The following DYNC2I1 variants were observed in gnomAD, a reference collection of about 807,000 sequenced individuals.
The protein encoded by DYNC2I1 is cytoplasmic dynein 2 intermediate chain 1.
A neutral mutation model predicts 133.4 loss-of-function variants in DYNC2I1; 89 were observed. The observed-to-expected ratio is 0.67, with a 90% CI of 0.56 to 0.80. The LOEUF (loss-of-function observed/expected upper bound fraction) is 0.80, where lower values mean the gene tolerates loss of function less well. Among genes scored for constraint, DYNC2I1 ranks in the 30% least tolerant of loss-of-function variants. The probability of loss-of-function intolerance (pLI) is 0.00; values close to 1 mark genes in which losing one functional copy is unlikely to be tolerated. For synonymous variants in DYNC2I1, 504 were observed against 484.3 expected (o/e 1.04, Z -0.54); for missense variants, 1,291 against 1,314.5 (o/e 0.98, Z 0.28).
intron 10 of DYNC2I1, 183 bp downstream of exon 10, chr7:158,902,778 G>A (rs376709340): frequency 2.5e-5 from 15 of 597,958 alleles, no homozygotes; most frequent in Middle Eastern, 4.4e-4. Context: ...ACTTGAGCAC[G>A]AGCCCATCCA....
chr7:158,936,213 C>G (rs975210290), intron 23 of DYNC2I1, among the ~76,000 whole-genome samples: 3 of 152,142 alleles, frequency 2.0e-5, no homozygotes, highest in Non-Finnish European at 4.4e-5. Context: ...AAAAAAGTCT[C>G]ATTAATAATT....
chr7:158,881,455 A>G (rs557685084), intron 5 of DYNC2I1, among the ~76,000 whole-genome samples: 1 of 151,564 alleles, frequency 6.6e-6, no homozygotes, highest in Non-Finnish European at 1.5e-5. Context: ...ATTTATTTTT[A>G]TTTATTTATT....
At chr7:158,842,302 C>T in the DYNC2I1 span, among the ~76,000 whole-genome samples, 28 of 152,364 alleles carry the variant, frequency 1.8e-4, no homozygotes, top group Middle Eastern at 3.4e-3. Context: ...GCTGGCATTA[C>T]AGGCATGAGC....
chr7:158,865,334 G>A (rs1057219627), intron 1 of DYNC2I1, among the ~76,000 whole-genome samples: 3 of 152,298 alleles, frequency 2.0e-5, no homozygotes, highest in African/African-American at 7.2e-5. Context: ...TGTTTTATTC[G>A]GGAGGCAAAT....
chr7:158,915,630 GGAT>G (rs1585145570), intron 14 of DYNC2I1, among the ~76,000 whole-genome samples: 2 of 98,602 alleles, frequency 2.0e-5, no homozygotes, highest in South Asian at 6.1e-4. Context: ...CTGGTTGACA[GGAT>G]GATTGTGAAA....
At chr7:158,859,927 T>G (rs191672610) in intron 1 of DYNC2I1, among the ~76,000 whole-genome samples, 3 of 152,370 alleles carry the variant, frequency 2.0e-5, no homozygotes, top group African/African-American at 7.2e-5. Context: ...GTCATTAGAA[T>G]CTAATTATGT....
At chr7:158,921,601 G>A (rs1167065350) in intron 15 of DYNC2I1, among the ~76,000 whole-genome samples, 1 of 152,118 alleles carries the variant, frequency 6.6e-6, no homozygotes, top group Admixed American at 6.5e-5. Flanking sequence ...ATTGTGACGA[G>A]GTGGAAGGAG....
chr7:158,926,301 G>C lies in DYNC2I1; in HGVS notation c.2371+1G>C, dbSNP rs750699664. On this transcript the variant is annotated splice_donor_variant, in intron 18 of 24. Transcript: ENST00000407559. LOFTEE classifies it high-confidence loss of function. ...CTTTCACCCTTTTCTACTCAAGAAGGTACGTGATTCTTCACTTTCTTAAAA... is the reference window on the plus strand; with the variant it reads ...CTTTCACCCTTTTCTACTCAAGAAGCTACGTGATTCTTCACTTTCTTAAAA... The C allele has an allele frequency of 6.2e-7, 1 of 1,609,806 alleles. No homozygotes were observed. The highest frequency in any genetic ancestry group is 1.1e-5 in the South Asian group (1 of 90,148).
chr7:158,937,244 T>C (rs1850851182), intron 23 of DYNC2I1, among the ~76,000 whole-genome samples: 1 of 152,242 alleles, frequency 6.6e-6, no homozygotes, highest in African/African-American at 2.4e-5. Context: ...ACATATTTGC[T>C]GGACTGCAGA....
chr7:158,853,768 C>T (rs1244283275), upstream of DYNC2I1, among the ~76,000 whole-genome samples: 1 of 151,838 alleles, frequency 6.6e-6, no homozygotes. Flanking sequence ...GAGTCTCCTG[C>T]CTCAGCCCCC....
intron 11 of DYNC2I1, among the ~76,000 whole-genome samples, chr7:158,910,896 G>A (rs899117530): frequency 2.1e-5 from 3 of 142,888 alleles, no homozygotes; most frequent in Admixed American, 6.9e-5. Context: ...AGCGAGGAGC[G>A]TTGGCTGTGT....
At chr7:158,936,890 A>G (rs1850810403) in intron 23 of DYNC2I1, among the ~76,000 whole-genome samples, 1 of 152,238 alleles carries the variant, frequency 6.6e-6, no homozygotes, top group Admixed American at 6.5e-5. Context: ...CCTAGCAGAG[A>G]AGATTTGCTA....
At chr7:158,940,763 T>A (rs971412152) in intron 23 of DYNC2I1, among the ~76,000 whole-genome samples, 22 of 152,182 alleles carry the variant, frequency 1.4e-4, no homozygotes, top group African/African-American at 4.8e-4. Context: ...AGAAGGACAT[T>A]TAAAAATTTA....
intron 3 of DYNC2I1, among the ~76,000 whole-genome samples, chr7:158,875,091 CTTTTTTTTT>C (rs35170585): frequency 1.8e-5 from 2 of 110,594 alleles, no homozygotes; most frequent in African/African-American, 7.1e-5. Context: ...TGGTAAATGC[CTTTTTTTTT>C]TTTTTTTTTT....
intron 8 of DYNC2I1, among the ~76,000 whole-genome samples, chr7:158,896,783 C>A (rs909318432): frequency 1.1e-4 from 16 of 150,384 alleles, no homozygotes; most frequent in African/African-American, 3.7e-4. Flanking sequence ...CTATGTGATT[C>A]TTTGTATACA....
chr7:158,954,969 C>T (rs1308303242), intron 4 of DYNC2I1, among the ~76,000 whole-genome samples: 1 of 147,004 alleles, frequency 6.8e-6, no homozygotes, highest in Non-Finnish European at 1.5e-5. Flanking sequence ...ACAACCTTCT[C>T]CTCCCTCCAG....
intron 23 of DYNC2I1, 122 bp downstream of exon 23, chr7:158,934,671 C>T (rs1485845100): frequency 9.3e-7 from 1 of 1,073,932 alleles, no homozygotes; most frequent in Non-Finnish European, 1.3e-6. Context: ...GCCTTGAACT[C>T]CTGGGCTCAA....
chr7:158,846,287 A>G, the DYNC2I1 span, among the ~76,000 whole-genome samples: 1 of 152,140 alleles, frequency 6.6e-6, no homozygotes, highest in African/African-American at 2.4e-5. Context: ...AAAATAAAAC[A>G]AGGTAAAAGG....
At chr7:158,891,877 C>T (rs1369903921) in intron 8 of DYNC2I1, among the ~76,000 whole-genome samples, 1 of 113,706 alleles carries the variant, frequency 8.8e-6, no homozygotes, top group Non-Finnish European at 2.1e-5. Context: ...GCGGACGGGG[C>T]CTCTGAAGGA....
Sources: gnomAD v4.1 joint callset for allele counts (sites outside exome capture counted in the v4.1 genomes callset) on GRCh38, gnomAD v4.1.1 for gene constraint, MANE v1.5 for transcripts, NCBI Gene and HGNC (gene_info 2026-07-23, HGNC 2026-07-21) for gene names.